Variants in UBE2H observed in about 807,000 individuals in gnomAD.
UBE2H encodes ubiquitin conjugating enzyme E2 H.
Under a neutral mutation model 29.0 loss-of-function variants are expected in UBE2H, and 3 were observed. The observed-to-expected ratio is 0.10, with a 90% CI of 0.05 to 0.27. The LOEUF is 0.27. Among genes scored for constraint, UBE2H ranks in the 10% least tolerant of loss-of-function variants. UBE2H has a pLI of 1.00. For synonymous variants in UBE2H, 69 were observed against 82.9 expected (o/e 0.83, Z 0.91); for missense variants, 68 against 228.2 (o/e 0.30, Z 4.52).
chr7:129,943,032 G>A (rs1171742306), intron 1 of UBE2H, among the ~76,000 whole-genome samples: 2 of 151,862 alleles, frequency 1.3e-5, no homozygotes, highest in African/African-American at 2.4e-5. Context: ...TAGTAGAGAT[G>A]GGGTTTCGCC....
chr7:129,846,115 CAA>C (rs1048750164), intron 5 of UBE2H, among the ~76,000 whole-genome samples: 40 of 152,108 alleles, frequency 2.6e-4, no homozygotes, highest in African/African-American at 7.7e-4. Context: ...GGAGAAAACA[CAA>C]GAGGGGATGA....
intron 6 of UBE2H, among the ~76,000 whole-genome samples, chr7:129,837,310 T>G (rs900015329): frequency 6.6e-6 from 1 of 151,978 alleles, no homozygotes; most frequent in Non-Finnish European, 1.5e-5. Context: ...GAGTCCTAAG[T>G]GAATGACCAC....
At chr7:129,903,044 T>C (rs1471010341) in intron 1 of UBE2H, among the ~76,000 whole-genome samples, 1 of 152,198 alleles carries the variant, frequency 6.6e-6, no homozygotes. Context: ...TGCTCTGCAT[T>C]TGGCTTCCCA....
At chr7:129,856,054 CA>C (rs1261549234) in intron 5 of UBE2H, among the ~76,000 whole-genome samples, 3 of 152,104 alleles carry the variant, frequency 2.0e-5, no homozygotes, top group African/African-American at 7.2e-5. Context: ...ACACAAAGAT[CA>C]GGGGGGAATA....
At chr7:129,907,151 A>G (rs1806834598) in intron 1 of UBE2H, among the ~76,000 whole-genome samples, 1 of 151,510 alleles carries the variant, frequency 6.6e-6, no homozygotes, top group Non-Finnish European at 1.5e-5. Context: ...TTTTTTGAGC[A>G]AAGTGCTAAA....
chr7:129,924,616 TCACACACA>T (rs147228151), intron 1 of UBE2H, among the ~76,000 whole-genome samples: 17 of 144,008 alleles, frequency 1.2e-4, no homozygotes, highest in Admixed American at 3.5e-4. Context: ...CCTTTTACAT[TCACACACA>T]CACACACACA....
In UBE2H at chr7:129,952,636, G is replaced by C; in HGVS notation, c.-81C>G. On this transcript the variant is annotated 5_prime_UTR_variant, in exon 1 of 7. Transcript: ENST00000355621. ...CCGGCTCTGAGGAGCCCGCGGCCGC[G>C]CCGGCTCCTCGGTGGAGGTGGCAAC... is the stretch of plus-strand genomic sequence containing the variant. 1.3e-6 allele frequency: 2 copies of C among 1,536,740 alleles called. No homozygotes were observed. Among genetic ancestry groups the C allele is most frequent in the African/African-American group, 1.4e-5 (1 of 71,046 alleles).
At chr7:129,880,695 T>TG (rs112561380) in intron 2 of UBE2H, among the ~76,000 whole-genome samples, 200 bp downstream of exon 2, 28,567 of 152,088 alleles carry the variant, frequency 0.19, 3,030 homozygotes, top group African/African-American at 0.28. Context: ...GAGGTGGTCC[T>TG]GGAACCAATC....
chr7:129,898,457 T>A (rs1806643245), intron 1 of UBE2H, among the ~76,000 whole-genome samples: 1 of 152,158 alleles, frequency 6.6e-6, no homozygotes, highest in Non-Finnish European at 1.5e-5. Context: ...TGTTATGAAG[T>A]ATGAGAAGGA....
intron 5 of UBE2H, among the ~76,000 whole-genome samples, chr7:129,853,882 C>A (rs573854855): frequency 1.3e-5 from 2 of 152,260 alleles, no homozygotes; most frequent in South Asian, 2.1e-4. Context: ...CAGAACAGTA[C>A]ATGTCCTGGG....
intron 3 of UBE2H, among the ~76,000 whole-genome samples, chr7:129,869,049 G>T (rs924603196): frequency 6.6e-6 from 1 of 151,042 alleles, no homozygotes; most frequent in Non-Finnish European, 1.5e-5. Context: ...TGATTCTCCT[G>T]CCTCAGTCTC....
intron 1 of UBE2H, among the ~76,000 whole-genome samples, chr7:129,914,605 C>A (rs1267313489): frequency 6.6e-6 from 1 of 152,162 alleles, no homozygotes; most frequent in East Asian, 1.9e-4. Context: ...AGAACATAAG[C>A]TTTCACTTCA....
chr7:129,883,240 A>C (rs192258841), intron 1 of UBE2H, among the ~76,000 whole-genome samples: 11 of 152,356 alleles, frequency 7.2e-5, no homozygotes, highest in Admixed American at 2.0e-4. Flanking sequence ...CTTTTATTCA[A>C]ATTTCACTTA....
At chr7:129,871,473 G>A (rs773056385) in intron 3 of UBE2H, among the ~76,000 whole-genome samples, 1 of 152,138 alleles carries the variant, frequency 6.6e-6, no homozygotes, top group African/African-American at 2.4e-5. Flanking sequence ...CCAGCACTTT[G>A]GGAGGCCAAG....
chr7:129,920,914 ACT>A (rs1245789380), intron 1 of UBE2H, among the ~76,000 whole-genome samples: 1 of 150,394 alleles, frequency 6.6e-6, no homozygotes, highest in Non-Finnish European at 1.5e-5. Context: ...ACAGTGGCTC[ACT>A]GTTTAGGTGG....
intron 1 of UBE2H, among the ~76,000 whole-genome samples, chr7:129,899,915 G>A (rs1179100298): frequency 6.6e-6 from 1 of 152,130 alleles, no homozygotes; most frequent in Non-Finnish European, 1.5e-5. Context: ...ATCACTTGAG[G>A]TGAGGAGTAC....
At chr7:129,926,141 C>T (rs1006934121) in intron 1 of UBE2H, among the ~76,000 whole-genome samples, 9 of 152,168 alleles carry the variant, frequency 5.9e-5, no homozygotes, top group African/African-American at 2.2e-4. Flanking sequence ...CTTCAAATGT[C>T]ACACATCTGA....
At chr7:129,868,134 G>C (rs1250010022) in intron 3 of UBE2H, among the ~76,000 whole-genome samples, 1 of 152,158 alleles carries the variant, frequency 6.6e-6, no homozygotes, top group Non-Finnish European at 1.5e-5. Flanking sequence ...GAAAGAAATA[G>C]ATTTAATGCC....
At chr7:129,892,719 C>A (rs929663124) in intron 1 of UBE2H, among the ~76,000 whole-genome samples, 2 of 152,084 alleles carry the variant, frequency 1.3e-5, no homozygotes, top group Non-Finnish European at 1.5e-5. Context: ...AGGTTCTTTT[C>A]CTAGTTTCTC....
Sources: gnomAD v4.1 joint callset for allele counts (sites outside exome capture counted in the v4.1 genomes callset) on GRCh38, gnomAD v4.1.1 for gene constraint, MANE v1.5 for transcripts, NCBI Gene and HGNC (gene_info 2026-07-23, HGNC 2026-07-21) for gene names.